The following STXBP6 variants were observed in gnomAD, a reference collection of about 807,000 sequenced individuals.
The protein encoded by STXBP6 is syntaxin binding protein 6, also known as syntaxin-binding protein 6.
STXBP6 carries 21 observed loss-of-function variants against 26.9 expected under a neutral mutation model. That is an observed-to-expected ratio of 0.78 (90% confidence interval 0.55 to 1.12). The LOEUF (loss-of-function observed/expected upper bound fraction) is 1.12, where lower values mean the gene tolerates loss of function less well. Ranked by LOEUF, STXBP6 falls within the 50% of genes most tolerant of loss-of-function variation. The pLI, the probability that STXBP6 is intolerant of heterozygous loss-of-function variation, is 0.00. For missense variants in STXBP6, 232 were observed against 257.9 expected, an observed-to-expected ratio of 0.90 and a Z score of 0.69; for synonymous variants, 97 against 92.6, an observed-to-expected ratio of 1.05 and a Z score of -0.27.
rs189758030 is a variant in STXBP6 at position 24,848,534 on chromosome 14, C to A, written c.451+7402G>T. Among the ~76,000 whole-genome samples, 197 of 152,182 alleles carry A rather than the reference C, an allele frequency of 1.3e-3. 2 individuals are homozygous for A. The highest frequency in any genetic ancestry group is 0.013 in the Admixed American group (193 of 15,266). On this transcript the variant is annotated intron_variant, in intron 4 of 5. Transcript: ENST00000323944. ...AAATGGTATTTTGGAAGTACCTTTA[C>A]GTAAGTCTTGGTTTGGTACAAAATT... is the stretch of plus-strand genomic sequence containing the variant.
chr14:24,838,970 A>G (rs888456960), intron 4 of STXBP6, among the ~76,000 whole-genome samples: 1 of 152,212 alleles, frequency 6.6e-6, no homozygotes, highest in Non-Finnish European at 1.5e-5. Flanking sequence ...TAATAAAAAA[A>G]ACCTAAACCA....
intron 2 of STXBP6, among the ~76,000 whole-genome samples, chr14:24,928,346 G>A (rs542057363): frequency 2.0e-5 from 3 of 151,528 alleles, no homozygotes; most frequent in South Asian, 2.1e-4. Flanking sequence ...CCCTGTCAAT[G>A]TTTCTAAACA....
At chr14:24,974,131 T>C (rs1168618401) in intron 2 of STXBP6, among the ~76,000 whole-genome samples, 3 of 151,772 alleles carry the variant, frequency 2.0e-5, no homozygotes, top group Non-Finnish European at 4.4e-5. Context: ...ATTCAAAGCT[T>C]AATAAAACAG....
At chr14:24,924,604 T>C (rs1325413341) in intron 2 of STXBP6, among the ~76,000 whole-genome samples, 3 of 152,264 alleles carry the variant, frequency 2.0e-5, no homozygotes, top group South Asian at 2.1e-4. Context: ...TGGTGCCCAT[T>C]TGGTGTTTCT....
chr14:24,901,095 T>C (rs2071195459), intron 2 of STXBP6, among the ~76,000 whole-genome samples: 1 of 151,976 alleles, frequency 6.6e-6, no homozygotes, highest in African/African-American at 2.4e-5. Flanking sequence ...CTAGTCTCAT[T>C]TAAAATAAAA....
intron 1 of STXBP6, among the ~76,000 whole-genome samples, chr14:24,994,268 G>C (rs1286264419): frequency 6.6e-6 from 1 of 152,118 alleles, no homozygotes; most frequent in Non-Finnish European, 1.5e-5. Context: ...AATACATTCT[G>C]TACATGGCAT....
chr14:25,019,833 G>A (rs1407945123), intron 1 of STXBP6, among the ~76,000 whole-genome samples: 2 of 145,390 alleles, frequency 1.4e-5, no homozygotes, highest in African/African-American at 5.1e-5. Context: ...AGATGATCAA[G>A]TTTAGTATCT....
At chr14:24,826,703 T>A (rs2138847962) in intron 4 of STXBP6, among the ~76,000 whole-genome samples, 1 of 152,258 alleles carries the variant, frequency 6.6e-6, no homozygotes, top group African/African-American at 2.4e-5. Context: ...TTCTGTTGGC[T>A]TCTAAAACAC....
chr14:24,816,109 G>C (rs1270597609), intron 5 of STXBP6: 2 of 152,202 alleles, frequency 1.3e-5, no homozygotes, highest in East Asian at 3.9e-4. Context: ...TCCAGCTGGG[G>C]TTCGGCACCC....
chr14:24,925,535 T>A (rs948941474), intron 2 of STXBP6, among the ~76,000 whole-genome samples: 1 of 152,198 alleles, frequency 6.6e-6, no homozygotes, highest in Non-Finnish European at 1.5e-5. Context: ...GGGAAGCCTC[T>A]GTCCTGTTCA....
At chr14:24,947,757 C>T (rs995126245) in intron 2 of STXBP6, among the ~76,000 whole-genome samples, 3 of 152,150 alleles carry the variant, frequency 2.0e-5, no homozygotes, top group African/African-American at 7.2e-5. Flanking sequence ...CCCAAATCCA[C>T]ACATTTCCCA....
At chr14:24,992,095 G>C (rs569682696) in intron 1 of STXBP6, among the ~76,000 whole-genome samples, 1 of 152,288 alleles carries the variant, frequency 6.6e-6, no homozygotes, top group Admixed American at 6.5e-5. Context: ...CAGATTCTGA[G>C]CTACCGAAGA....
chr14:24,937,201 T>C (rs1256407350), intron 2 of STXBP6, among the ~76,000 whole-genome samples: 1 of 152,186 alleles, frequency 6.6e-6, no homozygotes, highest in African/African-American at 2.4e-5. Flanking sequence ...GACAAGTTGA[T>C]GCGTGCAGCA....
At chr14:25,024,169 C>T (rs1227649301) in intron 1 of STXBP6, among the ~76,000 whole-genome samples, 3 of 152,012 alleles carry the variant, frequency 2.0e-5, no homozygotes, top group Admixed American at 6.6e-5. Context: ...ATTAGCCGGG[C>T]ATGGTGGCAC....
At chr14:24,995,106 G>A (rs2074569614) in intron 1 of STXBP6, 1 of 151,906 alleles carries the variant, frequency 6.6e-6, no homozygotes, top group African/African-American at 2.4e-5. Context: ...GGGAGGCTAA[G>A]AAGTCCAAGA....
intron 5 of STXBP6, among the ~76,000 whole-genome samples, chr14:24,814,435 G>A (rs1024779672): frequency 2.0e-5 from 3 of 152,198 alleles, no homozygotes; most frequent in African/African-American, 7.2e-5. Context: ...TTTGATCAGT[G>A]CTGCTGTCCT....
intron 2 of STXBP6, among the ~76,000 whole-genome samples, chr14:24,925,481 T>C (rs1252690122): frequency 1.3e-5 from 2 of 152,090 alleles, no homozygotes; most frequent in Non-Finnish European, 2.9e-5. Context: ...ACTCAAGTAG[T>C]TGGTTCAAAT....
At chr14:24,826,073 C>T (rs998413080) in intron 4 of STXBP6, among the ~76,000 whole-genome samples, 5 of 152,204 alleles carry the variant, frequency 3.3e-5, no homozygotes, top group African/African-American at 7.2e-5. Flanking sequence ...CTATGATCTA[C>T]AGGTCTCTAC....
At chr14:24,899,812 A>AAAAG (rs2071146844) in intron 2 of STXBP6, among the ~76,000 whole-genome samples, 3 of 144,646 alleles carry the variant, frequency 2.1e-5, no homozygotes, top group African/African-American at 8.3e-5. Context: ...AAAAAAAAAA[A>AAAAG]AAAAGAGTAA....
Sources: gnomAD v4.1 joint callset for allele counts (sites outside exome capture counted in the v4.1 genomes callset) on GRCh38, gnomAD v4.1.1 for gene constraint, MANE v1.5 for transcripts, NCBI Gene and HGNC (gene_info 2026-07-23, HGNC 2026-07-21) for gene names.